PDS5B: variants seen among roughly 807,000 people sequenced by gnomAD.
The protein encoded by PDS5B is sister chromatid cohesion protein PDS5 homolog B.
PDS5B carries 51 observed loss-of-function variants against 184.1 expected under a neutral mutation model. The ratio of observed to expected loss-of-function variants is 0.28; its 90% CI spans 0.22 to 0.35. The LOEUF is 0.35. Ranked by LOEUF, PDS5B falls within the 10% of genes least tolerant of loss-of-function variation. The pLI, the probability that PDS5B is intolerant of heterozygous loss-of-function variation, is 1.00. For missense variants in PDS5B, 1,180 were observed against 1,723.3 expected (o/e 0.68, Z 5.58); for synonymous variants, 566 against 569.2 (o/e 0.99, Z 0.08).
chr13:32,710,237 A>C, intron 19 of PDS5B, 131 bp downstream of exon 19: 1 of 556,310 alleles, frequency 1.8e-6, no homozygotes, highest in Non-Finnish European at 2.9e-6. Flanking sequence ...TGTAATGTTC[A>C]GTTTAGATTC....
At chr13:32,599,122 C>T (rs1422582970) in intron 1 of PDS5B, among the ~76,000 whole-genome samples, 1 of 151,110 alleles carries the variant, frequency 6.6e-6, no homozygotes, top group East Asian at 1.9e-4. Flanking sequence ...CTTCTCTGGT[C>T]TCCATTGTTT....
Position 32,770,114 on chromosome 13 carries a change from C to T in PDS5B, c.3625-7C>T, listed in dbSNP as rs570335015. 7 of 1,563,864 alleles carry T rather than the reference C, an allele frequency of 4.5e-6. No homozygotes were observed. Among genetic ancestry groups the T allele is most frequent in the African/African-American group, 2.8e-5 (2 of 71,182 alleles). On this transcript the variant is annotated splice_region_variant and splice_polypyrimidine_tract_variant and intron_variant, in intron 31 of 34. Transcript: ENST00000315596. ...AACCATAAATTGTGATTTTTTTTTT[C>T]CCCTAGTCTGAATTGGAGAAGCCTA...
chr13:32,697,653 C>G (rs1253297868), intron 15 of PDS5B, among the ~76,000 whole-genome samples: 1 of 152,208 alleles, frequency 6.6e-6, no homozygotes, highest in Admixed American at 6.5e-5. Flanking sequence ...AAACTACTTT[C>G]CAGTCCCCTG....
chr13:32,754,824 T>C (rs1283981691), intron 25 of PDS5B, among the ~76,000 whole-genome samples: 1 of 152,176 alleles, frequency 6.6e-6, no homozygotes, highest in Non-Finnish European at 1.5e-5. Flanking sequence ...GCCATTCTTA[T>C]TTTGGTGCAC....
In PDS5B at chr13:32,775,267, A is replaced by G. The variant is rs1954921802; in HGVS notation, c.*215A>G. ...TGACTATGGAGTCTTGTGAAAGTGTAATGTGCGATGGCTATGTAGACATAA... is the reference window on the plus strand; with the variant it reads ...TGACTATGGAGTCTTGTGAAAGTGTGATGTGCGATGGCTATGTAGACATAA... On this transcript the variant is annotated 3_prime_UTR_variant, in exon 35 of 35. Transcript: ENST00000315596. The G allele has an allele frequency of 7.1e-6, 4 of 566,014 alleles. No homozygotes were observed. In the South Asian group the frequency reaches 9.4e-5, roughly 13 times the overall value. 35.1% of individuals were successfully genotyped at this position (566,014 alleles called of 1,614,324 possible).
Position 32,709,895 on chromosome 13 carries a change from A to G in PDS5B, c.1963-51A>G, listed in dbSNP as rs757280368. The G allele has an allele frequency of 9.0e-6, 10 of 1,109,352 alleles. No homozygotes were observed. The South Asian group carries it at 1.8e-4, about 20-fold the overall frequency. 68.7% of individuals were successfully genotyped at this position (1,109,352 alleles called of 1,614,324 possible). On this transcript the variant is annotated intron_variant, in intron 18 of 34. Coordinates refer to ENST00000315596, the MANE Select transcript of PDS5B (RefSeq NM_015032.4). ...CTAATATGTAATATTTTGGATTTGT[A>G]TTATAAAGATGAAAAAGTTTTACAA...
chr13:32,759,909 A>G (rs1954314343), intron 29 of PDS5B, among the ~76,000 whole-genome samples: 1 of 152,196 alleles, frequency 6.6e-6, no homozygotes, highest in Admixed American at 6.5e-5. Flanking sequence ...ATAAAGTCCT[A>G]GGAGACCTGA....
chr13:32,763,432 T>G (rs1954478282), intron 30 of PDS5B: 1 of 152,400 alleles, frequency 6.6e-6, no homozygotes, highest in African/African-American at 2.4e-5. Flanking sequence ...ATTTCAGATT[T>G]TTTTTTTAAG....
intron 20 of PDS5B, among the ~76,000 whole-genome samples, chr13:32,733,267 CTG>C (rs1384013950): frequency 1.3e-5 from 2 of 152,240 alleles, no homozygotes; most frequent in East Asian, 1.9e-4. Flanking sequence ...ACAAGAACCT[CTG>C]TAGTCCTCCT....
chr13:32,741,206 A>C (rs933831228), intron 22 of PDS5B, 58 bp downstream of exon 22: 3 of 932,492 alleles, frequency 3.2e-6, no homozygotes, highest in Non-Finnish European at 5.0e-6. Context: ...GTAATATTTG[A>C]GGTATTAAAA....
At chr13:32,632,003 G>C (rs2058463669) in intron 1 of PDS5B, among the ~76,000 whole-genome samples, 1 of 152,132 alleles carries the variant, frequency 6.6e-6, no homozygotes, top group African/African-American at 2.4e-5. Context: ...GGGACAACTG[G>C]ATTTCCACAT....
chr13:32,690,500 G>A (rs563730304), intron 13 of PDS5B: 1 of 152,218 alleles, frequency 6.6e-6, no homozygotes, highest in African/African-American at 2.4e-5. Context: ...TTATAAGTGG[G>A]CATTTAACAG....
chr13:32,733,835 C>CT (rs1179075242), intron 20 of PDS5B, among the ~76,000 whole-genome samples: 2 of 152,068 alleles, frequency 1.3e-5, no homozygotes, highest in African/African-American at 4.8e-5. Flanking sequence ...TCTAAACGTA[C>CT]TTTTCCAGAG....
At chr13:32,625,158 C>G (rs1364201766) in intron 1 of PDS5B, among the ~76,000 whole-genome samples, 1 of 152,064 alleles carries the variant, frequency 6.6e-6, no homozygotes, top group East Asian at 1.9e-4. Flanking sequence ...ACTCTGTAGC[C>G]CAGGCTGGAG....
chr13:32,665,340 C>T (rs1950757040), intron 6 of PDS5B, among the ~76,000 whole-genome samples: 1 of 151,566 alleles, frequency 6.6e-6, no homozygotes, highest in African/African-American at 2.4e-5. Flanking sequence ...GTCTGTAATC[C>T]CAGCACTTTG....
intron 1 of PDS5B, among the ~76,000 whole-genome samples, chr13:32,637,684 G>A (rs2058585849): frequency 6.6e-6 from 1 of 152,068 alleles, no homozygotes; most frequent in African/African-American, 2.4e-5. Flanking sequence ...AAAGGAGACA[G>A]GAATGACCAG....
chr13:32,634,870 C>A (rs1261307608), intron 1 of PDS5B, among the ~76,000 whole-genome samples: 1 of 151,510 alleles, frequency 6.6e-6, no homozygotes, highest in African/African-American at 2.4e-5. Context: ...CATGAGCCAC[C>A]GTGCCCAGCC....
chr13:32,759,087 C>G (rs1388030305), intron 28 of PDS5B, among the ~76,000 whole-genome samples: 1 of 152,102 alleles, frequency 6.6e-6, no homozygotes, highest in Non-Finnish European at 1.5e-5. Flanking sequence ...TCCAAAAACT[C>G]GAGTGTGATA....
chr13:32,758,585 A>G lies in PDS5B; in HGVS notation c.3241A>G (p.Thr1081Ala). The G allele has an allele frequency of 6.2e-7, 1 of 1,612,028 alleles. No homozygotes were observed. Among genetic ancestry groups the G allele is most frequent in the Non-Finnish European group, 8.5e-7 (1 of 1,178,124 alleles). Residue 1081 changes from threonine to alanine, a missense_variant, in exon 28 of 35, where the codon ACT (threonine) becomes GCT (alanine). This residue lies in a region of PDS5B where 465 missense variants were observed against 497.8 expected (regional missense o/e 0.93). Transcript: ENST00000315596. Reference sequence around the variant, plus strand: ...CATGAATATCATCATGTCAAAGAGTACTACATACAGTTTGGAATCTCCTAA... The same window carrying G: ...CATGAATATCATCATGTCAAAGAGTGCTACATACAGTTTGGAATCTCCTAA... ...VAMNIIMSKSTTYSLESPKDP... is the reference protein window; with the variant it reads ...VAMNIIMSKSATYSLESPKDP...
Sources: allele counts gnomAD v4.1 joint callset (sites outside exome capture counted in the v4.1 genomes callset), GRCh38; gene constraint gnomAD v4.1.1; regional missense constraint gnomAD v4.1.1; transcripts MANE v1.5; gene names NCBI Gene and HGNC (gene_info 2026-07-23, HGNC 2026-07-21).